The following DNAJA1 variants were observed in gnomAD, a reference collection of about 807,000 sequenced individuals.
The protein encoded by DNAJA1 is dnaJ homolog subfamily A member 1.
Under a neutral mutation model 47.6 loss-of-function variants are expected in DNAJA1, and 26 were observed. The observed-to-expected ratio is 0.55, with a 90% CI of 0.40 to 0.76. The LOEUF (loss-of-function observed/expected upper bound fraction) is 0.76, where lower values mean the gene tolerates loss of function less well. Among genes scored for constraint, DNAJA1 ranks in the 30% least tolerant of loss-of-function variants. The pLI, the probability that DNAJA1 is intolerant of heterozygous loss-of-function variation, is 0.00. For missense variants in DNAJA1, 315 were observed against 485.0 expected, an observed-to-expected ratio of 0.65 and a Z score of 3.29; for synonymous variants, 165 against 158.4, an observed-to-expected ratio of 1.04 and a Z score of -0.31.
At chr9:33,027,603 C>T (rs546035043) in intron 3 of DNAJA1, among the ~76,000 whole-genome samples, 6 of 151,972 alleles carry the variant, frequency 3.9e-5, no homozygotes, top group East Asian at 1.9e-4. Flanking sequence ...TCTGTAATCC[C>T]AGCACTTTGG....
At position 33,037,109 on chromosome 9, in the gene DNAJA1, A is replaced by G. The variant is rs1012355487; in HGVS notation, c.969A>G (p.Glu323=). 1.9e-6 allele frequency: 3 copies of G among 1,613,518 alleles called. No individual in the cohort carries two copies. Among genetic ancestry groups the G allele is most frequent in the Non-Finnish European group, 2.5e-6 (3 of 1,179,744 alleles). Residue 323 remains glutamate, a synonymous_variant, in exon 8 of 9, where the codon GAA becomes GAG. Coordinates refer to ENST00000330899, the MANE Select transcript of DNAJA1 (RefSeq NM_001539.4). ...RPYEKGRLII[E]FKVNFPENGF... The stretch of plus-strand genomic sequence containing the variant: ...ATGAAAAGGGTCGCCTAATCATCGA[A>G]TTTAAGGTAAGCTGTAATGTACTTT...
intron 5 of DNAJA1, among the ~76,000 whole-genome samples, chr9:33,032,921 A>T (rs1299201109): frequency 6.6e-6 from 1 of 152,184 alleles, no homozygotes; most frequent in Non-Finnish European, 1.5e-5. Context: ...ATGGATATGT[A>T]GGAATTCATT....
At chr9:33,034,882 A>G (rs1208707317) in intron 6 of DNAJA1, among the ~76,000 whole-genome samples, 1 of 152,096 alleles carries the variant, frequency 6.6e-6, no homozygotes, top group Non-Finnish European at 1.5e-5. Context: ...TGCATGCTAT[A>G]TTCCCAGCAA....
intron 8 of DNAJA1, chr9:33,037,328 A>ATT (rs1839052689): frequency 5.8e-6 from 2 of 346,380 alleles, no homozygotes; most frequent in South Asian, 4.5e-5. Flanking sequence ...AAAAAAAAAA[A>ATT]AAAATTAAAA....
At chr9:33,036,448 A>G in intron 6 of DNAJA1, 126 bp from the exon 7 acceptor site, 1 of 571,852 alleles carries the variant, frequency 1.7e-6, no homozygotes, top group Non-Finnish European at 3.1e-6. Context: ...GATTTTTACA[A>G]TGGGGGAAGA....
At position 33,038,831 on chromosome 9, in the gene DNAJA1, C is replaced by T. The variant is rs1587701849; in HGVS notation, c.1122C>T (p.Arg374=). 6.2e-7 allele frequency: 1 copy of T among 1,614,000 alleles called. No homozygotes were observed. Among genetic ancestry groups the T allele is most frequent in the Non-Finnish European group, 8.5e-7 (1 of 1,180,012 alleles). ...TTGATCCAAATCAGGAAAGACGGCG[C>T]CACTACAATGGAGAAGCATATGAGG... is the stretch of plus-strand genomic sequence containing the variant. The part of the protein sequence containing the change: ...VDFDPNQERR[R]HYNGEAYEDD... Residue 374 remains arginine (R), a synonymous_variant, in exon 9 of 9, where the codon CGC becomes CGT. Coordinates refer to ENST00000330899, the MANE Select transcript of DNAJA1 (RefSeq NM_001539.4).
chr9:33,039,561 A>ATATATATATATATATATATAT lies in DNAJA1; in HGVS notation c.*658_*659insTATATATATATATATATATAT, dbSNP rs74178844. The ATATATATATATATATATATAT allele has an allele frequency of 7.6e-4, 108 of 141,942 alleles. No homozygotes were observed. The highest frequency in any genetic ancestry group is 1.1e-3 in the Non-Finnish European group (66 of 62,770). The allele number at this position is 141,942 out of a possible 1,614,324, so 8.8% of individuals were successfully genotyped here. ...CATATATATATACATATATATATAT[A>ATATATATATATATATATATAT]ATCTTGACCAGTCCTGGTCATTTGC... is the stretch of plus-strand genomic sequence containing the variant. On this transcript the variant is annotated 3_prime_UTR_variant, in exon 9 of 9. Transcript: ENST00000330899.
chr9:33,035,018 G>T (rs543015296), intron 6 of DNAJA1, among the ~76,000 whole-genome samples: 1 of 151,006 alleles, frequency 6.6e-6, no homozygotes, highest in Non-Finnish European at 1.5e-5. Flanking sequence ...TTCTAGCCTG[G>T]GTGACAGTAA....
rs371802507 is a variant in DNAJA1 at position 33,036,561 on chromosome 9, A to G, written c.759-13A>G. ...GATTTGAAAAATATAAATATGTGTC[A>G]TATTTTATGCAGACGAGGAGAAGAC... On this transcript the variant is annotated splice_polypyrimidine_tract_variant and intron_variant, in intron 6 of 8. Coordinates refer to ENST00000330899, the MANE Select transcript of DNAJA1 (RefSeq NM_001539.4). 1.3e-6 allele frequency: 2 copies of G among 1,555,078 alleles called. No homozygotes were observed. The highest frequency in any genetic ancestry group is 1.4e-5 in the African/African-American group (1 of 72,962).
At chr9:33,033,913 A>G (rs1838998440) in intron 5 of DNAJA1, among the ~76,000 whole-genome samples, 2 of 152,166 alleles carry the variant, frequency 1.3e-5, no homozygotes, top group Admixed American at 6.5e-5. Flanking sequence ...AAATATTGCT[A>G]ATGAGGTGTA....
At chr9:33,028,741 C>T (rs1838913625) in intron 3 of DNAJA1, among the ~76,000 whole-genome samples, 1 of 152,184 alleles carries the variant, frequency 6.6e-6, no homozygotes, top group Non-Finnish European at 1.5e-5. Flanking sequence ...GGGAAATGCG[C>T]TTCATCAAGC....
chr9:33,032,750 C>CTG (rs1420626610), intron 5 of DNAJA1, among the ~76,000 whole-genome samples: 1 of 152,108 alleles, frequency 6.6e-6, no homozygotes, highest in Middle Eastern at 3.2e-3. Flanking sequence ...GTGTATGATA[C>CTG]TGATAGCGCT....
intron 4 of DNAJA1, 28 bp from the exon 5 acceptor site, chr9:33,030,411 AC>A (rs748332900): frequency 5.9e-5 from 94 of 1,581,912 alleles, no homozygotes; most frequent in Non-Finnish European, 7.7e-5. Flanking sequence ...ACTAATTCAT[AC>A]ATTATTTAAT....
At chr9:33,038,085 A>G (rs1462478882) in intron 8 of DNAJA1, among the ~76,000 whole-genome samples, 1 of 151,156 alleles carries the variant, frequency 6.6e-6, no homozygotes, top group Non-Finnish European at 1.5e-5. Flanking sequence ...GATCACTGTA[A>G]CCTCCACCTC....
chr9:33,035,474 A>AT (rs200969633), intron 6 of DNAJA1, among the ~76,000 whole-genome samples: 10,526 of 151,972 alleles, frequency 0.069, 495 homozygotes, highest in Non-Finnish European at 0.11. Flanking sequence ...TTATTTATTT[A>AT]TTTATTTTTT....
chr9:33,036,532 T>G, intron 6 of DNAJA1, 42 bp from the exon 7 acceptor site: 1 of 1,376,822 alleles, frequency 7.3e-7, no homozygotes, highest in Non-Finnish European at 1.0e-6. Flanking sequence ...ATCTACTGAT[T>G]CGTGATTTGA....
intron 5 of DNAJA1, among the ~76,000 whole-genome samples, chr9:33,032,518 ATG>A (rs1838976440): frequency 6.6e-6 from 1 of 152,160 alleles, no homozygotes; most frequent in Non-Finnish European, 1.5e-5. Context: ...TGGTCTTGTT[ATG>A]TGTCATTTCA....
In DNAJA1 at chr9:33,038,925, C is replaced by A; in HGVS notation, c.*22C>A. The A allele has an allele frequency of 6.3e-7, 1 of 1,588,996 alleles. No homozygotes were observed. The highest frequency in any genetic ancestry group is 8.6e-7 in the Non-Finnish European group (1 of 1,164,608). On this transcript the variant is annotated 3_prime_UTR_variant, in exon 9 of 9. Transcript: ENST00000330899. ...TTAATGGGCCAGTGAATAACACTCA[C>A]TGCTGGCATTTAATGTGCAGTAGTG...
intron 1 of DNAJA1, 104 bp from the exon 2 acceptor site, chr9:33,026,371 G>A (rs754535084): frequency 1.6e-6 from 2 of 1,261,534 alleles, no homozygotes; most frequent in Non-Finnish European, 2.2e-6. Context: ...GGAAGGTGGT[G>A]TTCTTATAAT....
Sources: gnomAD v4.1 joint callset for allele counts (sites outside exome capture counted in the v4.1 genomes callset) on GRCh38, gnomAD v4.1.1 for gene constraint, MANE v1.5 for transcripts, NCBI Gene and HGNC (gene_info 2026-07-23, HGNC 2026-07-21) for gene names.